The following CDH13 variants were observed in gnomAD, a reference collection of about 807,000 sequenced individuals.
CDH13 encodes the protein cadherin 13, also known as cadherin-13.
Under a neutral mutation model 63.8 loss-of-function variants are expected in CDH13, and 24 were observed. The observed-to-expected ratio is 0.38, with a 90% CI of 0.27 to 0.53. CDH13 has a LOEUF of 0.53. Ranked by LOEUF, CDH13 falls within the 20% of genes least tolerant of loss-of-function variation. The pLI, the probability that CDH13 is intolerant of heterozygous loss-of-function variation, is 0.85. For missense variants in CDH13, 1,049 were observed against 903.1 expected (o/e 1.16, Z -2.07); for synonymous variants, 503 against 355.3 (o/e 1.42, Z -4.67).
intron 7 of CDH13, among the ~76,000 whole-genome samples, chr16:83,585,267 T>A (rs1906035348): frequency 6.6e-6 from 1 of 152,132 alleles, no homozygotes. Flanking sequence ...CACTCCGAAT[T>A]TATATTTGCC....
chr16:83,314,384 A>T (rs2090062629), intron 5 of CDH13, among the ~76,000 whole-genome samples: 1 of 152,238 alleles, frequency 6.6e-6, no homozygotes, highest in Non-Finnish European at 1.5e-5. Flanking sequence ...AAACAAGACT[A>T]ATCATTAATA....
At chr16:83,681,376 T>C (rs148202640) in intron 10 of CDH13, among the ~76,000 whole-genome samples, 205 of 152,194 alleles carry the variant, frequency 1.3e-3, no homozygotes, top group African/African-American at 4.5e-3. Flanking sequence ...GCAGGACCAA[T>C]CCCTTTCCCA....
At chr16:83,000,876 G>A (rs991335522) in intron 2 of CDH13, among the ~76,000 whole-genome samples, 4 of 152,178 alleles carry the variant, frequency 2.6e-5, no homozygotes, top group African/African-American at 4.8e-5. Context: ...ACCGCGCCTG[G>A]CCATTTATCT....
chr16:83,690,672 AG>A (rs1441766093), intron 10 of CDH13, among the ~76,000 whole-genome samples: 1 of 152,154 alleles, frequency 6.6e-6, no homozygotes, highest in African/African-American at 2.4e-5. Context: ...GGGTCTGGGC[AG>A]GGATGGTTGC....
At chr16:83,309,674 C>T (rs2089958442) in intron 5 of CDH13, among the ~76,000 whole-genome samples, 2 of 152,208 alleles carry the variant, frequency 1.3e-5, no homozygotes, top group African/African-American at 4.8e-5. Context: ...CACGCCCAGC[C>T]CCCTCCTTCT....
intron 11 of CDH13, among the ~76,000 whole-genome samples, chr16:83,764,297 G>A (rs962093737): frequency 6.6e-6 from 1 of 152,156 alleles, no homozygotes; most frequent in African/African-American, 2.4e-5. Flanking sequence ...AGCCAGAAAA[G>A]GTGTCCTTGG....
At chr16:83,718,602 C>G (rs1031808089) in intron 10 of CDH13, among the ~76,000 whole-genome samples, 6 of 151,970 alleles carry the variant, frequency 3.9e-5, no homozygotes, top group African/African-American at 9.7e-5. Context: ...CTGGAACCAT[C>G]GAGGTGCCGG....
chr16:82,815,155 G>T (rs1371296994), intron 1 of CDH13, among the ~76,000 whole-genome samples: 3 of 152,132 alleles, frequency 2.0e-5, no homozygotes, highest in African/African-American at 7.2e-5. Context: ...TACTTAGAAA[G>T]TACTGCATGG....
intron 2 of CDH13, among the ~76,000 whole-genome samples, chr16:82,959,875 AC>A (rs1250790442): frequency 6.6e-6 from 1 of 152,168 alleles, no homozygotes; most frequent in Non-Finnish European, 1.5e-5. Flanking sequence ...ACAATTGTGT[AC>A]AGATTTTTCT....
chr16:82,842,668 G>C (rs1250988227), intron 1 of CDH13, among the ~76,000 whole-genome samples: 1 of 152,018 alleles, frequency 6.6e-6, no homozygotes, highest in Non-Finnish European at 1.5e-5. Flanking sequence ...GGGAGGATTT[G>C]GGGATGATTC....
chr16:83,541,624 C>G (rs1366613921), intron 7 of CDH13, among the ~76,000 whole-genome samples: 2 of 152,216 alleles, frequency 1.3e-5, no homozygotes, highest in Non-Finnish European at 2.9e-5. Context: ...ACCAAGGACT[C>G]CAAAGGTCTA....
In CDH13 at chr16:83,307,629, C is replaced by T. The variant is rs1597713849; in HGVS notation, c.637-37233C>T. The stretch of plus-strand genomic sequence containing the variant: ...GGTTACAAAGTAAAATAAACCCACA[C>T]TGCTTCAGAGTCTGGAGAGGCACAG... On this transcript the variant is annotated intron_variant, in intron 5 of 13. Transcript: ENST00000567109. 2.6e-5 allele frequency among the ~76,000 whole-genome samples: 4 copies of T among 152,334 alleles called. No individual in the cohort carries two copies. The South Asian group carries it at 8.3e-4, about 32-fold the overall frequency.
chr16:83,444,531 G>A (rs931825381), intron 6 of CDH13, among the ~76,000 whole-genome samples: 3 of 152,194 alleles, frequency 2.0e-5, no homozygotes, highest in African/African-American at 7.2e-5. Context: ...CACCTGATGA[G>A]TGGCAGAACC....
intron 3 of CDH13, among the ~76,000 whole-genome samples, chr16:83,114,148 C>T (rs1045302889): frequency 5.3e-5 from 8 of 152,136 alleles, no homozygotes; most frequent in South Asian, 4.2e-4. Context: ...ATATTCATTA[C>T]GTTAGGAATG....
intron 1 of CDH13, among the ~76,000 whole-genome samples, chr16:82,836,218 G>A (rs993472477): frequency 1.6e-4 from 24 of 152,000 alleles, no homozygotes; most frequent in African/African-American, 5.1e-4. Flanking sequence ...GCGCGATCTC[G>A]GCTCACTGCA....
chr16:83,663,231 T>C (rs1913603715), intron 8 of CDH13, among the ~76,000 whole-genome samples: 2 of 152,174 alleles, frequency 1.3e-5, no homozygotes, highest in East Asian at 1.9e-4. Flanking sequence ...TAGGATCACA[T>C]GATACAAAAT....
intron 2 of CDH13, among the ~76,000 whole-genome samples, chr16:83,006,041 C>G (rs1411175306): frequency 6.6e-6 from 1 of 152,100 alleles, no homozygotes; most frequent in Non-Finnish European, 1.5e-5. Context: ...TCAGATTCAC[C>G]ATTACATTTC....
At chr16:83,273,064 G>A (rs537615821) in intron 5 of CDH13, among the ~76,000 whole-genome samples, 39 of 152,260 alleles carry the variant, frequency 2.6e-4, no homozygotes, top group Middle Eastern at 3.4e-3. Context: ...TTCAGCACTT[G>A]TTGTGGGGGG....
At chr16:82,920,012 G>T (rs562132870) in intron 2 of CDH13, among the ~76,000 whole-genome samples, 1 of 152,166 alleles carries the variant, frequency 6.6e-6, no homozygotes, top group Non-Finnish European at 1.5e-5. Context: ...GTGTGGGTGG[G>T]GTCACGATCT....
Sources: allele counts gnomAD v4.1 joint callset (sites outside exome capture counted in the v4.1 genomes callset), GRCh38; gene constraint gnomAD v4.1.1; transcripts MANE v1.5; gene names NCBI Gene and HGNC (gene_info 2026-07-23, HGNC 2026-07-21).